Variants in TAFA1 observed in about 807,000 individuals in gnomAD.
The protein encoded by TAFA1 is TAFA chemokine like family member 1.
Under a neutral mutation model 18.5 loss-of-function variants are expected in TAFA1, and 4 were observed. That is an observed-to-expected ratio of 0.22 (90% CI 0.11 to 0.49). The LOEUF (loss-of-function observed/expected upper bound fraction) is 0.49. Ranked by LOEUF, TAFA1 falls within the 20% of genes least tolerant of loss-of-function variation. The pLI, the probability that TAFA1 is intolerant of heterozygous loss-of-function variation, is 0.98. For missense variants in TAFA1, 147 were observed against 169.0 expected (o/e 0.87, Z 0.72); for synonymous variants, 56 against 55.2 (o/e 1.01, Z -0.06).
At chr3:68,342,278 A>G (rs2069098342) in intron 2 of TAFA1, among the ~76,000 whole-genome samples, 1 of 152,158 alleles carries the variant, frequency 6.6e-6, no homozygotes, top group South Asian at 2.1e-4. Context: ...AAAATCTAAG[A>G]TTTGCCATCT....
At chr3:68,231,576 G>C (rs569406107) in intron 2 of TAFA1, among the ~76,000 whole-genome samples, 1 of 151,230 alleles carries the variant, frequency 6.6e-6, no homozygotes, top group South Asian at 2.1e-4. Context: ...TAGCCAGGAT[G>C]GTCTCGATCT....
chr3:68,478,716 C>G (rs978839731), intron 3 of TAFA1, among the ~76,000 whole-genome samples: 1 of 151,842 alleles, frequency 6.6e-6, no homozygotes, highest in African/African-American at 2.4e-5. Flanking sequence ...ACAACCTGAA[C>G]TATAACATGT....
intron 2 of TAFA1, among the ~76,000 whole-genome samples, chr3:68,320,887 A>T (rs2068688454): frequency 6.6e-6 from 1 of 151,968 alleles, no homozygotes; most frequent in African/African-American, 2.4e-5. Context: ...AGTCAGATAG[A>T]CTCCCTCTTC....
At chr3:68,216,539 T>C (rs2107080656) in intron 2 of TAFA1, among the ~76,000 whole-genome samples, 1 of 152,166 alleles carries the variant, frequency 6.6e-6, no homozygotes, top group South Asian at 2.1e-4. Context: ...AAAGCATGGG[T>C]TAAATGTGTA....
intron 2 of TAFA1, among the ~76,000 whole-genome samples, chr3:68,314,478 G>A (rs1313980610): frequency 2.0e-5 from 3 of 152,118 alleles, no homozygotes; most frequent in Non-Finnish European, 4.4e-5. Context: ...ACAGATTGTT[G>A]TCAAATATAC....
intron 2 of TAFA1, among the ~76,000 whole-genome samples, chr3:68,400,244 A>T (rs1361513873): frequency 2.0e-5 from 3 of 152,206 alleles, no homozygotes; most frequent in Non-Finnish European, 2.9e-5. Flanking sequence ...GGAATGAGAC[A>T]TAGGCAAGCA....
chr3:68,019,240 C>T (rs952867876), intron 2 of TAFA1, among the ~76,000 whole-genome samples: 7 of 152,174 alleles, frequency 4.6e-5, no homozygotes, highest in Admixed American at 1.3e-4. Flanking sequence ...ATGCTTGATT[C>T]TTAATTTCCC....
At chr3:68,083,867 A>G (rs998069740) in intron 2 of TAFA1, among the ~76,000 whole-genome samples, 5 of 152,048 alleles carry the variant, frequency 3.3e-5, no homozygotes, top group Non-Finnish European at 5.9e-5. Flanking sequence ...CATTCTCCAC[A>G]TATCTTGTTA....
chr3:68,433,031 G>A (rs1182927873), intron 3 of TAFA1, among the ~76,000 whole-genome samples: 1 of 151,832 alleles, frequency 6.6e-6, no homozygotes, highest in Non-Finnish European at 1.5e-5. Flanking sequence ...CAAACTCTAG[G>A]TCATTTTGTT....
chr3:68,124,597 C>T (rs1350040630), intron 2 of TAFA1, among the ~76,000 whole-genome samples: 1 of 152,160 alleles, frequency 6.6e-6, no homozygotes, highest in African/African-American at 2.4e-5. Context: ...AGCCAGTGCT[C>T]TACTATGTTA....
At chr3:68,539,684 GGCAT>G (rs142122561) in intron 4 of TAFA1, among the ~76,000 whole-genome samples, 37,302 of 53,606 alleles carry the variant, frequency 0.7, 13,173 homozygotes, top group Non-Finnish European at 0.76. Flanking sequence ...TGTGTGGGGG[GGCAT>G]GGGGTGGGTG....
intron 2 of TAFA1, among the ~76,000 whole-genome samples, chr3:68,213,903 T>G (rs1487954789): frequency 1.3e-5 from 2 of 152,068 alleles, no homozygotes; most frequent in Non-Finnish European, 2.9e-5. Flanking sequence ...CATAAAAAGT[T>G]ATTTGATTTT....
At chr3:68,398,079 C>A (rs952108793) in intron 2 of TAFA1, among the ~76,000 whole-genome samples, 2 of 151,818 alleles carry the variant, frequency 1.3e-5, no homozygotes, top group Non-Finnish European at 2.9e-5. Context: ...CTTTAAATTT[C>A]ATATGGAATA....
At chr3:68,433,801 C>T (rs2071223711) in intron 3 of TAFA1, among the ~76,000 whole-genome samples, 1 of 152,100 alleles carries the variant, frequency 6.6e-6, no homozygotes, top group Non-Finnish European at 1.5e-5. Context: ...GAGCACTTAG[C>T]ACAGAATTAG....
At chr3:67,992,935 G>A in the TAFA1 span, among the ~76,000 whole-genome samples, 1 of 152,228 alleles carries the variant, frequency 6.6e-6, no homozygotes, top group Non-Finnish European at 1.5e-5. Flanking sequence ...AATCTCTGCT[G>A]ACAGAGCATG....
At chr3:68,253,746 A>G (rs929510933) in intron 2 of TAFA1, among the ~76,000 whole-genome samples, 1 of 152,178 alleles carries the variant, frequency 6.6e-6, no homozygotes, top group Non-Finnish European at 1.5e-5. Context: ...TTCTTGGTCA[A>G]TGATACTAAA....
chr3:68,109,742 G>T (rs931638991), intron 2 of TAFA1, among the ~76,000 whole-genome samples: 13 of 152,042 alleles, frequency 8.6e-5, no homozygotes, highest in Non-Finnish European at 1.8e-4. Context: ...AATAAACTAA[G>T]GAAGGAACTA....
At chr3:68,182,341 A>C (rs953408557) in intron 2 of TAFA1, among the ~76,000 whole-genome samples, 8 of 152,184 alleles carry the variant, frequency 5.3e-5, no homozygotes, top group African/African-American at 1.7e-4. Context: ...TAAAAGCCCC[A>C]GTGTTGTACT....
intron 2 of TAFA1, among the ~76,000 whole-genome samples, chr3:68,386,056 C>T (rs906182841): frequency 3.9e-5 from 6 of 152,208 alleles, no homozygotes; most frequent in African/African-American, 7.2e-5. Flanking sequence ...TCACATGGTC[C>T]CCCGAGCCTA....
Sources: allele counts gnomAD v4.1 joint callset (sites outside exome capture counted in the v4.1 genomes callset), GRCh38; gene constraint gnomAD v4.1.1; transcripts MANE v1.5; gene names NCBI Gene and HGNC (gene_info 2026-07-23, HGNC 2026-07-21).